Variants in PDE4D observed in about 807,000 individuals in gnomAD.
PDE4D encodes 3',5'-cyclic-AMP phosphodiesterase 4D.
PDE4D carries 24 observed loss-of-function variants against 87.4 expected under a neutral mutation model. That is an observed-to-expected ratio of 0.27 (90% CI 0.20 to 0.39). The LOEUF is 0.39. Among genes scored for constraint, PDE4D ranks in the 10% least tolerant of loss-of-function variants. The pLI is 1.00. For synonymous variants in PDE4D, 384 were observed against 383.2 expected (o/e 1.00, Z -0.02); for missense variants, 714 against 1,041.0 (o/e 0.69, Z 4.32).
At chr5:59,454,952 G>A (rs1799692060) in intron 1 of PDE4D, among the ~76,000 whole-genome samples, 1 of 152,136 alleles carries the variant, frequency 6.6e-6, no homozygotes, top group African/African-American at 2.4e-5. Flanking sequence ...TAGGGTATTT[G>A]GTGGAAGAAA....
At chr5:60,393,446 G>A (rs961205863) in intron 1 of PDE4D, among the ~76,000 whole-genome samples, 2 of 152,102 alleles carry the variant, frequency 1.3e-5, no homozygotes, top group Non-Finnish European at 2.9e-5. Flanking sequence ...CAAGATTTAT[G>A]AAGAAGAACC....
intron 3 of PDE4D, among the ~76,000 whole-genome samples, chr5:59,927,835 TC>T (rs1325545386): frequency 3.3e-5 from 5 of 152,228 alleles, no homozygotes; most frequent in African/African-American, 1.2e-4. Context: ...AATGTGATTG[TC>T]TAGTTGTTCA....
intron 1 of PDE4D, among the ~76,000 whole-genome samples, chr5:60,370,178 C>T (rs949225779): frequency 6.6e-6 from 1 of 152,138 alleles, no homozygotes; most frequent in Admixed American, 6.5e-5. Context: ...AAGGCCAGCT[C>T]CTGCCCCAGA....
Position 59,593,505 on chromosome 5 carries a change from A to T in PDE4D, c.455+299663T>A, listed in dbSNP as rs1328041331. ...CAACCTCCCAGTAAAAAAGTAACATAATCCAGCTTTCAGTTCCTCACATAA... is the reference window on the plus strand; with the variant it reads ...CAACCTCCCAGTAAAAAAGTAACATTATCCAGCTTTCAGTTCCTCACATAA... On this transcript the variant is annotated intron_variant, in intron 1 of 14. Transcript: ENST00000340635. Among the ~76,000 whole-genome samples the T allele has an allele frequency of 2.0e-5, 3 of 152,194 alleles. No homozygotes were observed. The East Asian group carries it at 5.8e-4, about 29-fold the overall frequency.
At chr5:60,451,203 G>A (rs928219450) in intron 1 of PDE4D, among the ~76,000 whole-genome samples, 5 of 151,946 alleles carry the variant, frequency 3.3e-5, no homozygotes, top group African/African-American at 1.2e-4. Flanking sequence ...ATTACATAAG[G>A]AATATATTTC....
chr5:59,838,228 C>T (rs191563369), intron 1 of PDE4D, among the ~76,000 whole-genome samples: 310 of 152,176 alleles, frequency 2.0e-3, no homozygotes, highest in African/African-American at 7.1e-3. Context: ...TCACCCAAGG[C>T]ATCCCCACCT....
At chr5:60,419,586 T>C (rs1247710143) in intron 1 of PDE4D, among the ~76,000 whole-genome samples, 1 of 151,756 alleles carries the variant, frequency 6.6e-6, no homozygotes, top group African/African-American at 2.4e-5. Flanking sequence ...TTCATGTGAA[T>C]CAATAAATAC....
chr5:59,305,821 T>C (rs1353468992), intron 1 of PDE4D, among the ~76,000 whole-genome samples: 6 of 152,196 alleles, frequency 3.9e-5, no homozygotes, highest in Admixed American at 3.9e-4. Flanking sequence ...TGGCCTATCA[T>C]ATGGTCTATC....
At chr5:59,953,407 T>C (rs1758499856) in intron 3 of PDE4D, among the ~76,000 whole-genome samples, 1 of 152,180 alleles carries the variant, frequency 6.6e-6, no homozygotes, top group African/African-American at 2.4e-5. Context: ...ACAATTAGAC[T>C]ATTATTTTAG....
intron 1 of PDE4D, among the ~76,000 whole-genome samples, chr5:59,412,336 TAACAGCTC>T (rs1792830349): frequency 6.6e-6 from 1 of 152,196 alleles, no homozygotes; most frequent in Non-Finnish European, 1.5e-5. Context: ...TCAGGAAATC[TAACAGCTC>T]AACTTTCAAT....
At chr5:59,584,572 CA>C (rs1347599556) in intron 1 of PDE4D, among the ~76,000 whole-genome samples, 1 of 152,184 alleles carries the variant, frequency 6.6e-6, no homozygotes, top group African/African-American at 2.4e-5. Context: ...AGCAAATTTG[CA>C]TTCTTTCCAA....
chr5:60,367,457 A>G (rs1042926733), intron 1 of PDE4D, among the ~76,000 whole-genome samples: 1 of 151,976 alleles, frequency 6.6e-6, no homozygotes, highest in African/African-American at 2.4e-5. Flanking sequence ...ATATCAAAAA[A>G]AAAAAAAAAT....
intron 1 of PDE4D, among the ~76,000 whole-genome samples, chr5:59,819,443 T>C (rs1277397694): frequency 6.6e-6 from 1 of 152,190 alleles, no homozygotes; most frequent in Non-Finnish European, 1.5e-5. Flanking sequence ...TTTTTCAACA[T>C]GTTGTCATCA....
At chr5:60,436,859 CT>C (rs1173700991) in intron 1 of PDE4D, among the ~76,000 whole-genome samples, 1 of 152,022 alleles carries the variant, frequency 6.6e-6, no homozygotes, top group Admixed American at 6.6e-5. Context: ...ATATTTGACA[CT>C]TTTCTGCAAG....
chr5:59,427,523 A>C (rs2153630185), intron 1 of PDE4D, among the ~76,000 whole-genome samples: 1 of 152,270 alleles, frequency 6.6e-6, no homozygotes, highest in South Asian at 2.1e-4. Context: ...GAGCCAGATT[A>C]AATCTGATTT....
At chr5:60,026,050 G>C (rs949511300) in intron 2 of PDE4D, among the ~76,000 whole-genome samples, 1 of 152,070 alleles carries the variant, frequency 6.6e-6, no homozygotes, top group Non-Finnish European at 1.5e-5. Context: ...TTTTATAAAT[G>C]GTAGCAAAAT....
intron 1 of PDE4D, among the ~76,000 whole-genome samples, chr5:59,652,054 T>C (rs1410478469): frequency 6.6e-6 from 1 of 152,232 alleles, no homozygotes; most frequent in Non-Finnish European, 1.5e-5. Flanking sequence ...GAACTGTCTA[T>C]TGGCTCTGCT....
chr5:59,072,504 C>T lies in PDE4D; in HGVS notation c.809-33533G>A, dbSNP rs111246194. 4.6e-3 allele frequency among the ~76,000 whole-genome samples: 705 copies of T among 152,260 alleles called. 8 individuals are homozygous for T. Among genetic ancestry groups the T allele is most frequent in the African/African-American group, 0.016 (672 of 41,552 alleles). On this transcript the variant is annotated intron_variant, in intron 5 of 14. Coordinates refer to ENST00000340635, the MANE Select transcript of PDE4D (RefSeq NM_001104631.2). The stretch of plus-strand genomic sequence containing the variant: ...CACTCAGTCTTCAACCTGCCTAGGC[C>T]CCCCTTGTCTAGGGACGGTTTTACA...
chr5:60,408,864 AC>A (rs1265988197), intron 1 of PDE4D, among the ~76,000 whole-genome samples: 2 of 152,242 alleles, frequency 1.3e-5, no homozygotes, highest in Non-Finnish European at 2.9e-5. Flanking sequence ...TATGCAAGGT[AC>A]TTTTGCTCCA....
Sources: gnomAD v4.1 joint callset for allele counts (sites outside exome capture counted in the v4.1 genomes callset) on GRCh38, gnomAD v4.1.1 for gene constraint, MANE v1.5 for transcripts, NCBI Gene and HGNC (gene_info 2026-07-23, HGNC 2026-07-21) for gene names.